The following RNF121 variants were observed in gnomAD, a reference collection of about 807,000 sequenced individuals.
The protein encoded by RNF121 is E3 ubiquitin ligase RNF121.
In RNF121, 21 loss-of-function variants were observed where a neutral mutation model predicts 46.5. That is an observed-to-expected ratio of 0.45 (90% CI 0.32 to 0.65). RNF121 has a LOEUF of 0.65. Ranked by LOEUF, RNF121 falls within the 30% of genes least tolerant of loss-of-function variation. RNF121 has a pLI of 0.04. For synonymous variants in RNF121, 139 were observed against 144.7 expected (o/e 0.96, Z 0.28); for missense variants, 346 against 416.0 (o/e 0.83, Z 1.46).
intron 3 of RNF121, among the ~76,000 whole-genome samples, chr11:71,978,517 C>T (rs978847102): frequency 6.6e-6 from 1 of 152,166 alleles, no homozygotes; most frequent in African/African-American, 2.4e-5. Flanking sequence ...TTTTGGTTGC[C>T]TCATTCTGGT....
intron 3 of RNF121, among the ~76,000 whole-genome samples, chr11:71,962,974 A>T (rs144274883): frequency 6.7e-4 from 102 of 152,278 alleles, no homozygotes; most frequent in Non-Finnish European, 1.2e-3. Context: ...GATGTTGGGC[A>T]TCTTTTCCTG....
chr11:71,995,775 G>T (rs1388825522), intron 8 of RNF121, among the ~76,000 whole-genome samples: 3 of 152,178 alleles, frequency 2.0e-5, no homozygotes, highest in Admixed American at 2.0e-4. Flanking sequence ...CCATTGTCAC[G>T]GATAGATAGA....
intron 1 of RNF121, among the ~76,000 whole-genome samples, chr11:71,938,070 G>T (rs1425923102): frequency 1.3e-5 from 2 of 152,122 alleles, no homozygotes; most frequent in African/African-American, 4.8e-5. Context: ...CCCTGCCAAG[G>T]TTTCTGTTCA....
At chr11:71,959,048 A>G (rs1264688248) in intron 2 of RNF121, among the ~76,000 whole-genome samples, 1 of 152,206 alleles carries the variant, frequency 6.6e-6, no homozygotes, top group Non-Finnish European at 1.5e-5. Flanking sequence ...GGCAGAAAAA[A>G]TATGGACTCC....
intron 1 of RNF121, among the ~76,000 whole-genome samples, chr11:71,933,904 A>G (rs538073319): frequency 3.9e-5 from 6 of 152,314 alleles, no homozygotes; most frequent in Admixed American, 3.9e-4. Flanking sequence ...CTAATGGTAT[A>G]TGCTTTTTTA....
At chr11:71,960,728 A>G in intron 2 of RNF121, 22 bp from the exon 3 acceptor site, 24 of 1,607,046 alleles carry the variant, frequency 1.5e-5, no homozygotes, top group Non-Finnish European at 2.0e-5. Context: ...GACTTGATTC[A>G]CCCCATGTGT....
Position 71,960,937 on chromosome 11 carries a change from G to C in RNF121, c.243+46G>C, listed in dbSNP as rs181918476. The C allele has an allele frequency of 5.6e-4, 898 of 1,599,632 alleles. 3 individuals are homozygous for C. In the African/African-American group the frequency reaches 0.011, roughly 20 times the overall value. ...CTTCTTTGTCTGTCAGTCATCAAGA[G>C]ACCCTTCCTAAGTATTCTAGGTCCC... On this transcript the variant is annotated intron_variant, in intron 3 of 8. Coordinates refer to ENST00000361756, the MANE Select transcript of RNF121 (RefSeq NM_018320.5).
intron 3 of RNF121, among the ~76,000 whole-genome samples, chr11:71,968,131 G>A (rs1954330019): frequency 6.6e-6 from 1 of 151,460 alleles, no homozygotes; most frequent in Non-Finnish European, 1.5e-5. Context: ...GCATGCTCTC[G>A]GCTCACTGCA....
At chr11:71,958,469 T>G (rs938784210) in intron 2 of RNF121, among the ~76,000 whole-genome samples, 12 of 152,184 alleles carry the variant, frequency 7.9e-5, no homozygotes, top group African/African-American at 2.9e-4. Flanking sequence ...ATTTTTTTTT[T>G]GTCTCATTGT....
intron 1 of RNF121, among the ~76,000 whole-genome samples, chr11:71,942,147 A>G (rs867143961): frequency 6.6e-6 from 1 of 151,738 alleles, no homozygotes; most frequent in African/African-American, 2.4e-5. Context: ...GTTAGCCAGG[A>G]TGGTCTCAAT....
chr11:71,959,851 A>T (rs151047536), intron 2 of RNF121, among the ~76,000 whole-genome samples: 3 of 152,008 alleles, frequency 2.0e-5, no homozygotes, highest in South Asian at 2.1e-4. Context: ...GGCCAGGCTC[A>T]TCGTTAACTC....
intron 6 of RNF121, among the ~76,000 whole-genome samples, chr11:71,993,597 C>T (rs1954910036): frequency 6.6e-6 from 1 of 152,152 alleles, no homozygotes; most frequent in African/African-American, 2.4e-5. Flanking sequence ...ATTCATTCAT[C>T]TGTGGATAGG....
At chr11:71,940,389 C>G (rs1953538084) in intron 1 of RNF121, among the ~76,000 whole-genome samples, 1 of 152,104 alleles carries the variant, frequency 6.6e-6, no homozygotes, top group Non-Finnish European at 1.5e-5. Context: ...ATGGATATGG[C>G]TAGGGAAGAC....
rs748992309 is a variant in RNF121, at chr11:71,990,637, C to G, written c.547C>G (p.Leu183Val). ...TGCCATGGACTTTGGCATCTCCCTT[C>G]TCTTCTATGGCCTCTACTATGGAGT... ...EDAMDFGISLLFYGLYYGVLE... is the reference protein window; with the variant it reads ...EDAMDFGISLVFYGLYYGVLE... Residue 183 changes from leucine to valine, a missense_variant, in exon 6 of 9, where the codon CTC becomes GTC. By Grantham distance (32) the Leu-to-Val change is conservative. This residue lies in a region of RNF121 where 286 missense variants were observed against 383.8 expected (regional missense o/e 0.75). Coordinates refer to ENST00000361756, the MANE Select transcript of RNF121 (RefSeq NM_018320.5). 6.2e-7 allele frequency: 1 copy of G among 1,614,190 alleles called. No homozygotes were observed. Among genetic ancestry groups the G allele is most frequent in the South Asian group, 1.1e-5 (1 of 91,090 alleles).
intron 6 of RNF121, among the ~76,000 whole-genome samples, chr11:71,992,001 C>T (rs1954872897): frequency 6.6e-6 from 1 of 151,526 alleles, no homozygotes; most frequent in African/African-American, 2.4e-5. Flanking sequence ...TGCCTGTAGT[C>T]CCAGCTACTT....
chr11:71,990,128 G>A (rs1284819294), intron 5 of RNF121, among the ~76,000 whole-genome samples: 1 of 152,222 alleles, frequency 6.6e-6, no homozygotes, highest in Admixed American at 6.5e-5. Flanking sequence ...CTGCACCAGT[G>A]ACACCCAGAT....
chr11:71,983,926 C>G (rs769606217), intron 4 of RNF121, among the ~76,000 whole-genome samples: 6 of 152,212 alleles, frequency 3.9e-5, no homozygotes, highest in Non-Finnish European at 7.3e-5. Context: ...CTCTGGCCTT[C>G]TGGAGTTTCA....
At chr11:71,974,841 C>T (rs1235827651) in intron 3 of RNF121, among the ~76,000 whole-genome samples, 1 of 152,170 alleles carries the variant, frequency 6.6e-6, no homozygotes, top group African/African-American at 2.4e-5. Context: ...TGGTAGGCAG[C>T]TTAAGAGACA....
At position 71,950,738 on chromosome 11, in the gene RNF121, C is replaced by A. The variant is rs187531323; in HGVS notation, c.64-6489C>A. ...CGCGGTCTTGGCTCACTGCAAGCTC[C>A]GCCCCCTGGGTTCACACCATTCCCC... On this transcript the variant is annotated intron_variant, in intron 1 of 8. Transcript: ENST00000361756. Among the ~76,000 whole-genome samples, 697 of 151,960 alleles carry A rather than the reference C, an allele frequency of 4.6e-3. 3 individuals are homozygous for A. Among genetic ancestry groups the A allele is most frequent in the African/African-American group, 0.016 (667 of 41,472 alleles).
Sources: allele counts gnomAD v4.1 joint callset (sites outside exome capture counted in the v4.1 genomes callset), GRCh38; gene constraint gnomAD v4.1.1; regional missense constraint gnomAD v4.1.1; transcripts MANE v1.5; gene names NCBI Gene and HGNC (gene_info 2026-07-23, HGNC 2026-07-21).